ZNF195: variants seen among roughly 807,000 people sequenced by gnomAD.
ZNF195 encodes the protein zinc finger protein 195.
A neutral mutation model predicts 19.5 loss-of-function variants in ZNF195; 11 were observed. The observed-to-expected ratio is 0.57, with a 90% CI of 0.36 to 0.94. The LOEUF is 0.94. Among genes scored for constraint, ZNF195 ranks in the 40% least tolerant of loss-of-function variants. The pLI is 0.01. For missense variants in ZNF195, 582 were observed against 709.0 expected (o/e 0.82, Z 2.03); for synonymous variants, 214 against 248.1 (o/e 0.86, Z 1.29).
chr11:3,361,620 C>A, intron 4 of ZNF195, 123 bp downstream of exon 4: 2 of 512,840 alleles, frequency 3.9e-6, no homozygotes, highest in Middle Eastern at 7.9e-4. Flanking sequence ...AAGCTCAACA[C>A]ATCAACTAGT....
At chr11:3,377,115 T>C (rs910152334) in intron 1 of ZNF195, among the ~76,000 whole-genome samples, 4 of 152,220 alleles carry the variant, frequency 2.6e-5, no homozygotes, top group African/African-American at 9.6e-5. Flanking sequence ...TTCCTGAAAT[T>C]GACCTATTTC....
At chr11:3,375,907 G>C (rs937227736) in intron 1 of ZNF195, among the ~76,000 whole-genome samples, 10 of 152,140 alleles carry the variant, frequency 6.6e-5, no homozygotes, top group Non-Finnish European at 2.9e-5. Flanking sequence ...AAAGACTCCA[G>C]GTGCTGGTGA....
chr11:3,366,125 G>A (rs1213104517), intron 3 of ZNF195, among the ~76,000 whole-genome samples: 2 of 151,264 alleles, frequency 1.3e-5, no homozygotes, highest in Non-Finnish European at 3.0e-5. Flanking sequence ...TGAGCCGGGC[G>A]TGGTGGCGGG....
In ZNF195 at chr11:3,360,520, A is replaced by G. The variant is rs1469049137; in HGVS notation, c.488T>C (p.Ile163Thr). Residue 163 changes from isoleucine (I) to threonine (T), a missense_variant, in exon 6 of 6, where the codon ATA becomes ACA. By Grantham distance (89) the Ile-to-Thr change is moderately conservative. Coordinates refer to ENST00000399602, the MANE Select transcript of ZNF195 (RefSeq NM_001130520.3). ...TATTCTTTTTGGGAATGCATCTTGT[A>G]TGCCCTGCTCTGGCAGAAGGTCTTG... is the stretch of plus-strand genomic sequence containing the variant. The part of the protein sequence containing the change: ...FTQDLLPEQG[I>T]QDAFPKRILR... The G allele has an allele frequency of 2.5e-6, 4 of 1,604,098 alleles. No homozygotes were observed. The highest frequency in any genetic ancestry group is 2.2e-5 in the South Asian group (2 of 89,484).
chr11:3,366,263 C>CAAA (rs35338297), intron 3 of ZNF195, among the ~76,000 whole-genome samples: 14 of 88,918 alleles, frequency 1.6e-4, no homozygotes, highest in Non-Finnish European at 2.1e-4. Flanking sequence ...GACTCCATCT[C>CAAA]AAAAAAAAAA....
intron 1 of ZNF195, among the ~76,000 whole-genome samples, chr11:3,372,663 CAAAT>C (rs1849271419): frequency 6.6e-6 from 1 of 152,136 alleles, no homozygotes; most frequent in African/African-American, 2.4e-5. Context: ...CAGGTTCTGA[CAAAT>C]AAATATCTCC....
chr11:3,375,170 G>T (rs1849398015), intron 1 of ZNF195, among the ~76,000 whole-genome samples: 1 of 152,198 alleles, frequency 6.6e-6, no homozygotes, highest in Non-Finnish European at 1.5e-5. Context: ...GAGAAGGAGA[G>T]TCTGGGCATG....
At chr11:3,361,998 G>A (rs189773729) in intron 3 of ZNF195, 109 bp from the exon 4 acceptor site, 16 of 441,626 alleles carry the variant, frequency 3.6e-5, no homozygotes, top group African/African-American at 8.1e-5. Context: ...AGTGGAGGCC[G>A]CAGTGAGCCA....
rs1849323934 is a variant in ZNF195 at position 3,373,713 on chromosome 11, A to G, written c.4-2010T>C. On this transcript the variant is annotated intron_variant, in intron 1 of 5. Coordinates refer to ENST00000399602, the MANE Select transcript of ZNF195 (RefSeq NM_001130520.3). ...TAGCACAACCCCTTCACCTGCTACC[A>G]CCACAACCATCAACAGAAAGACCAA... 2.3e-6 allele frequency: 3 copies of G among 1,299,086 alleles called. No individual in the cohort carries two copies. In the East Asian group the frequency reaches 7.6e-5, roughly 33 times the overall value. The allele number at this position is 1,299,086 out of a possible 1,614,324, so 80.5% of individuals were successfully genotyped here. A position where few individuals can be genotyped will look rare whatever the true frequency, so the allele number is the denominator to read the frequency against.
At chr11:3,369,299 CATT>C (rs1396437288) in intron 3 of ZNF195, 1 of 236,960 alleles carries the variant, frequency 4.2e-6, no homozygotes, top group Non-Finnish European at 8.7e-6. Flanking sequence ...CTGGTAGAGT[CATT>C]ATGAAAACCA....
chr11:3,373,458 T>C, intron 1 of ZNF195: 2 of 810,644 alleles, frequency 2.5e-6, no homozygotes, highest in Admixed American at 4.6e-5. Context: ...AAAAAAGTAG[T>C]TGAAACAAAC....
intron 1 of ZNF195, among the ~76,000 whole-genome samples, chr11:3,372,704 T>C: frequency 7.8e-6 from 1 of 128,200 alleles, no homozygotes; most frequent in African/African-American, 2.8e-5. Context: ...TCTCCCAGGT[T>C]CTGACAAATA....
chr11:3,362,000 A>C (rs1250773252), intron 3 of ZNF195, 111 bp from the exon 4 acceptor site: 1 of 443,854 alleles, frequency 2.3e-6, no homozygotes, highest in Non-Finnish European at 4.6e-6. Flanking sequence ...TGGAGGCCGC[A>C]GTGAGCCACG....
chr11:3,378,006 A>C, intron 1 of ZNF195: 1 of 919,236 alleles, frequency 1.1e-6, no homozygotes, highest in Non-Finnish European at 1.3e-6. Context: ...CAGAAAACAA[A>C]TCTCTTAAAA....
rs181661141 is a variant in ZNF195, at chr11:3,366,984, G to A, written c.226+3991C>T. 394 of 452,322 alleles carry A rather than the reference G, an allele frequency of 8.7e-4. 1 individual carries two copies. Among genetic ancestry groups the A allele is most frequent in the Non-Finnish European group, 1.5e-3 (334 of 226,100 alleles). 28.0% of individuals were successfully genotyped at this position (452,322 alleles called of 1,614,324 possible). ...GGAGGCTGAAGTGGGAAGAAGGCTC[G>A]AGCCCAGGAAGCAGAGGTTGCAGTG... On this transcript the variant is annotated intron_variant, in intron 3 of 5. Coordinates refer to ENST00000399602, the MANE Select transcript of ZNF195 (RefSeq NM_001130520.3).
intron 1 of ZNF195, among the ~76,000 whole-genome samples, chr11:3,374,990 A>C (rs1008819789): frequency 6.6e-6 from 1 of 152,228 alleles, no homozygotes; most frequent in African/African-American, 2.4e-5. Flanking sequence ...GTTTCCGAAA[A>C]TTCTGTGTAT....
chr11:3,362,224 A>G (rs1459494088), intron 3 of ZNF195, among the ~76,000 whole-genome samples: 1 of 152,234 alleles, frequency 6.6e-6, no homozygotes, highest in Non-Finnish European at 1.5e-5. Flanking sequence ...CATGTCAAAC[A>G]AGAAATGGTA....
At position 3,359,508 on chromosome 11, in the gene ZNF195, G is replaced by A; in HGVS notation, c.1500C>T (p.Gly500=). 1 of 1,614,162 alleles carries A rather than the reference G, an allele frequency of 6.2e-7. No individual in the cohort carries two copies. Residue 500 remains glycine (G), a synonymous_variant, in exon 6 of 6, where the codon GGC becomes GGT. Transcript: ENST00000399602. This position sits in a 1 kb window ranked among gnomAD's most constrained non-coding sequence, Gnocchi z 5.5. The stretch of plus-strand genomic sequence containing the variant: ...GGTCTGATAACTGCTTAAAGATGTT[G>A]CCACATTCTTCACACGTGTAGGGTT... The part of the protein sequence containing the change: ...EEKPYTCEEC[G]NIFKQLSDLT...
intron 1 of ZNF195, among the ~76,000 whole-genome samples, chr11:3,378,615 C>G (rs1271762265): frequency 6.6e-6 from 1 of 152,208 alleles, no homozygotes; most frequent in African/African-American, 2.4e-5. Flanking sequence ...GTGGGACCTC[C>G]AAACCCAAAA....
Sources: gnomAD v4.1 joint callset for allele counts (sites outside exome capture counted in the v4.1 genomes callset) on GRCh38, gnomAD v4.1.1 for gene constraint, Gnocchi (gnomAD v3.1) non-coding constraint, MANE v1.5 for transcripts, NCBI Gene and HGNC (gene_info 2026-07-23, HGNC 2026-07-21) for gene names.